CPNE5: variants seen among roughly 807,000 people sequenced by gnomAD.
CPNE5 encodes the protein copine 5.
A neutral mutation model predicts 81.1 loss-of-function variants in CPNE5; 42 were observed. The observed-to-expected ratio is 0.52, with a 90% confidence interval of 0.40 to 0.67. The LOEUF (loss-of-function observed/expected upper bound fraction) is 0.67. CPNE5 is among the 30% of genes least tolerant of loss of function. CPNE5 has a pLI of 0.00. For synonymous variants in CPNE5, 313 were observed against 321.5 expected (o/e 0.97, Z 0.28); for missense variants, 612 against 815.5 (o/e 0.75, Z 3.04).
chr6:36,814,181 A>C (rs933409873), intron 3 of CPNE5, among the ~76,000 whole-genome samples: 2 of 152,150 alleles, frequency 1.3e-5, no homozygotes, highest in Non-Finnish European at 2.9e-5. Context: ...GGCCTACCCC[A>C]AAGGTCAATT....
chr6:36,782,816 A>AACACACACACACACACACACAC (rs3997726), intron 8 of CPNE5, among the ~76,000 whole-genome samples: 1 of 126,230 alleles, frequency 7.9e-6, no homozygotes, highest in African/African-American at 3.2e-5. Flanking sequence ...CAAAAACCAA[A>AACACACACACACACACACACAC]ACACACACAC....
chr6:36,756,385 TCCAAGC>T (rs907166379), intron 12 of CPNE5, 87 bp from the exon 13 acceptor site: 2 of 1,115,090 alleles, frequency 1.8e-6, no homozygotes, highest in African/African-American at 3.1e-5. Flanking sequence ...ATGGGTGTGG[TCCAAGC>T]CCAGCCCCAT....
chr6:36,767,529 C>A (rs531992894), intron 10 of CPNE5, among the ~76,000 whole-genome samples: 2 of 152,202 alleles, frequency 1.3e-5, no homozygotes, highest in Non-Finnish European at 2.9e-5. Flanking sequence ...TCTACCCCTG[C>A]CCAGTGGCCT....
At chr6:36,760,106 T>C (rs1241739851) in intron 12 of CPNE5, among the ~76,000 whole-genome samples, 1 of 149,344 alleles carries the variant, frequency 6.7e-6, no homozygotes, top group East Asian at 2.0e-4. Context: ...TCCCAGCTAC[T>C]TGGGAGACTG....
chr6:36,756,685 C>T (rs1308047153), intron 12 of CPNE5, among the ~76,000 whole-genome samples: 1 of 152,212 alleles, frequency 6.6e-6, no homozygotes, highest in Non-Finnish European at 1.5e-5. Context: ...AATGCACCCC[C>T]TTCCTCTCTC....
At chr6:36,779,276 C>T (rs1440093800) in intron 8 of CPNE5, among the ~76,000 whole-genome samples, 8 of 152,136 alleles carry the variant, frequency 5.3e-5, no homozygotes, top group African/African-American at 1.2e-4. Context: ...GCACACATCT[C>T]GTGGGGTTTT....
chr6:36,785,145 G>A (rs1768412962), intron 8 of CPNE5, among the ~76,000 whole-genome samples: 1 of 152,086 alleles, frequency 6.6e-6, no homozygotes, highest in African/African-American at 2.4e-5. Flanking sequence ...TGTTAATGGG[G>A]CTGCTGGGGA....
At chr6:36,794,793 C>G (rs1385337125) in intron 6 of CPNE5, 144 bp from the exon 7 acceptor site, 10 of 710,840 alleles carry the variant, frequency 1.4e-5, no homozygotes, top group East Asian at 2.7e-5. Context: ...CAGGCCAGAG[C>G]AAGTGGAGTC....
intron 12 of CPNE5, among the ~76,000 whole-genome samples, chr6:36,757,595 C>T (rs571862725): frequency 5.1e-4 from 78 of 152,214 alleles, no homozygotes; most frequent in Middle Eastern, 6.8e-3. Context: ...TGGGTGGAGA[C>T]ATATATTGCT....
chr6:36,774,085 A>T (rs1301807910), intron 10 of CPNE5, among the ~76,000 whole-genome samples: 1 of 72,554 alleles, frequency 1.4e-5, no homozygotes, highest in Non-Finnish European at 3.6e-5. Context: ...ATCTCAATTA[A>T]AAAAAAAAAA....
intron 3 of CPNE5, among the ~76,000 whole-genome samples, chr6:36,817,992 G>T (rs748310868): frequency 6.6e-6 from 1 of 152,102 alleles, no homozygotes; most frequent in Non-Finnish European, 1.5e-5. Flanking sequence ...AACAGTGCAG[G>T]ATGCTACTGG....
chr6:36,754,151 A>T (rs535820653), intron 13 of CPNE5: 1 of 151,894 alleles, frequency 6.6e-6, no homozygotes, highest in East Asian at 1.9e-4. Context: ...CTCTTAGATC[A>T]TCCTGCAGCC....
chr6:36,763,139 G>A (rs572047560), intron 11 of CPNE5, 147 bp from the exon 12 acceptor site: 42 of 697,820 alleles, frequency 6.0e-5, no homozygotes, highest in South Asian at 2.3e-4. Flanking sequence ...GGCTGGGTCC[G>A]TGGGAAGAGA....
Position 36,787,747 on chromosome 6 carries a change from T to C in CPNE5, c.528+4286A>G, listed in dbSNP as rs997079746. Among the ~76,000 whole-genome samples the C allele has an allele frequency of 2.4e-4, 37 of 152,134 alleles. 1 individual carries two copies. Among genetic ancestry groups the C allele is most frequent in the Non-Finnish European group, 2.2e-4 (15 of 68,028 alleles). ...GGTGGGGAGGCCCCCGGGGCAGTTATGGTGTGAAGTTATAACTCCCTTTGC... is the reference window on the plus strand; with the variant it reads ...GGTGGGGAGGCCCCCGGGGCAGTTACGGTGTGAAGTTATAACTCCCTTTGC... On this transcript the variant is annotated intron_variant, in intron 8 of 20. Coordinates refer to ENST00000244751, the MANE Select transcript of CPNE5 (RefSeq NM_020939.2).
chr6:36,839,484 G>T, upstream of CPNE5: 1 of 919,200 alleles, frequency 1.1e-6, no homozygotes, highest in Non-Finnish European at 1.6e-6. This position sits in a 1 kb window ranked among gnomAD's most constrained non-coding sequence, Gnocchi z 7.3. Context: ...GCCTGGGCTG[G>T]GCGGCAAGGG....
At chr6:36,792,409 G>C (rs1345151237) in intron 7 of CPNE5, 2 of 1,428,742 alleles carry the variant, frequency 1.4e-6, no homozygotes, top group African/African-American at 2.8e-5. Context: ...GAGGCTTCCA[G>C]ACCAGTGGTT....
chr6:36,745,714 C>A (rs895320320), intron 16 of CPNE5, among the ~76,000 whole-genome samples, 199 bp from the exon 17 acceptor site: 1 of 152,132 alleles, frequency 6.6e-6, no homozygotes, highest in Non-Finnish European at 1.5e-5. Context: ...TGGGTCCAAA[C>A]CTGCTCCTTA....
chr6:36,826,539 G>C (rs1024026897), intron 1 of CPNE5, among the ~76,000 whole-genome samples: 1 of 152,134 alleles, frequency 6.6e-6, no homozygotes, highest in Admixed American at 6.6e-5. Flanking sequence ...TGACTCGTAG[G>C]ACCCCATTAC....
chr6:36,761,978 G>T (rs1582780335), intron 12 of CPNE5, among the ~76,000 whole-genome samples: 1 of 152,128 alleles, frequency 6.6e-6, no homozygotes, highest in Non-Finnish European at 1.5e-5. Context: ...ACAGTAGAAC[G>T]CGGTGGCTCA....
Sources: allele counts gnomAD v4.1 joint callset (sites outside exome capture counted in the v4.1 genomes callset), GRCh38; gene constraint gnomAD v4.1.1; non-coding constraint Gnocchi (gnomAD v3.1); transcripts MANE v1.5; gene names NCBI Gene and HGNC (gene_info 2026-07-23, HGNC 2026-07-21).